The following DHRSX variants were observed in gnomAD, a reference collection of about 807,000 sequenced individuals.
DHRSX encodes dehydrogenase/reductase X-linked, also known as polyprenol dehydrogenase.
DHRSX carries 31 observed loss-of-function variants against 34.0 expected under a neutral mutation model. The observed-to-expected ratio is 0.91, with a 90% CI of 0.69 to 1.23. The LOEUF (loss-of-function observed/expected upper bound fraction) is 1.23. Ranked by LOEUF, DHRSX falls within the 50% of genes most tolerant of loss-of-function variation. The pLI is 0.00. For missense variants in DHRSX, 414 were observed against 428.1 expected, an observed-to-expected ratio of 0.97 and a Z score of 0.29; for synonymous variants, 201 against 183.8, an observed-to-expected ratio of 1.09 and a Z score of -0.76.
chrX:2,433,689 A>C (rs1424872209), intron 1 of DHRSX, among the ~76,000 whole-genome samples: 1 of 152,170 alleles, frequency 6.6e-6, no homozygotes, highest in African/African-American at 2.4e-5. Flanking sequence ...TAGGCTGAGA[A>C]TGATGCCTTC....
chrX:2,415,786 G>A (rs890744554), intron 2 of DHRSX, among the ~76,000 whole-genome samples: 3 of 143,824 alleles, frequency 2.1e-5, no homozygotes, highest in South Asian at 2.3e-4. Flanking sequence ...CAACTAGATC[G>A]CATCATAACC....
intron 3 of DHRSX, among the ~76,000 whole-genome samples, chrX:2,311,213 T>C (rs2042161738): frequency 6.6e-6 from 1 of 151,154 alleles, no homozygotes; most frequent in Non-Finnish European, 1.5e-5. Context: ...ACAGAGGTTG[T>C]GACACAGAGA....
At chrX:2,485,144 T>C (rs2124069261) in intron 1 of DHRSX, among the ~76,000 whole-genome samples, 1 of 152,192 alleles carries the variant, frequency 6.6e-6, no homozygotes, top group East Asian at 1.9e-4. Context: ...CCCACCACTG[T>C]GCGGAAGGAG....
At chrX:2,347,148 G>A (rs989978442) in intron 3 of DHRSX, among the ~76,000 whole-genome samples, 2 of 152,160 alleles carry the variant, frequency 1.3e-5, no homozygotes. Flanking sequence ...ATTTAGAAAA[G>A]AAAGGTTTAA....
rs140523304 is a variant in DHRSX, at chrX:2,380,187, C to G, written c.286+28558G>C. ...GCACGTCCCCATAATCCCAGCTACT[C>G]GGGAGGCTGAGGCAGGAGAATTGCT... On this transcript the variant is annotated intron_variant, in intron 3 of 6. Transcript: ENST00000334651. Among the ~76,000 whole-genome samples, 1,339 of 149,106 alleles carry G rather than the reference C, an allele frequency of 9.0e-3. 10 individuals carry two copies. Among genetic ancestry groups the G allele is most frequent in the Admixed American group, 0.03 (445 of 14,616 alleles).
intron 1 of DHRSX, among the ~76,000 whole-genome samples, chrX:2,441,651 C>A (rs1396225878): frequency 6.6e-6 from 1 of 152,130 alleles, no homozygotes; most frequent in Non-Finnish European, 1.5e-5. Flanking sequence ...ACTCTTTTTA[C>A]CTCTTAAGAC....
chrX:2,332,308 A>G (rs36098223), intron 3 of DHRSX, among the ~76,000 whole-genome samples: 5,206 of 152,272 alleles, frequency 0.034, 315 homozygotes, highest in African/African-American at 0.12. Flanking sequence ...AAGAAAGGCT[A>G]TGAGCAGAGA....
intron 4 of DHRSX, among the ~76,000 whole-genome samples, chrX:2,277,084 A>C (rs1335128148): frequency 1.2e-5 from 1 of 86,520 alleles, no homozygotes; most frequent in African/African-American, 5.9e-5. Flanking sequence ...AGAGAAAGAG[A>C]GATGGAGAGG....
At chrX:2,322,071 C>T (rs1206522391) in intron 3 of DHRSX, among the ~76,000 whole-genome samples, 1 of 152,034 alleles carries the variant, frequency 6.6e-6, no homozygotes, top group African/African-American at 2.4e-5. Flanking sequence ...ACACCCATCA[C>T]CCGAACAGTA....
At chrX:2,301,242 G>A (rs2042005344) in intron 3 of DHRSX, among the ~76,000 whole-genome samples, 1 of 152,188 alleles carries the variant, frequency 6.6e-6, no homozygotes, top group African/African-American at 2.4e-5. Context: ...GCAAAACCCT[G>A]TCTCTACTAA....
chrX:2,302,858 T>C (rs2042029855), intron 3 of DHRSX, among the ~76,000 whole-genome samples: 1 of 152,190 alleles, frequency 6.6e-6, no homozygotes, highest in African/African-American at 2.4e-5. Flanking sequence ...AAATGCATTT[T>C]TTTTAGTAAT....
chrX:2,449,077 T>C (rs1178597026), intron 1 of DHRSX, among the ~76,000 whole-genome samples: 2 of 151,900 alleles, frequency 1.3e-5, no homozygotes, highest in Non-Finnish European at 2.9e-5. Flanking sequence ...TAATGCCAGC[T>C]ACTCAGGAGG....
chrX:2,434,138 T>C (rs1279966737), intron 1 of DHRSX, among the ~76,000 whole-genome samples: 2 of 152,120 alleles, frequency 1.3e-5, no homozygotes, highest in East Asian at 1.9e-4. Flanking sequence ...GAAATGAATA[T>C]GCAATTTGGA....
chrX:2,304,293 G>GGATGGATGGATGAATGGA (rs1569485939), intron 3 of DHRSX, among the ~76,000 whole-genome samples: 1 of 94,844 alleles, frequency 1.1e-5, no homozygotes, highest in Non-Finnish European at 2.0e-5. Flanking sequence ...GGGTGGGTGG[G>GGATGGATGGATGAATGGA]TGGATGGATG....
intron 5 of DHRSX, among the ~76,000 whole-genome samples, chrX:2,253,144 C>T (rs2016472350): frequency 6.6e-6 from 1 of 152,182 alleles, no homozygotes; most frequent in African/African-American, 2.4e-5. Context: ...GCCAAGATAG[C>T]GTCACTGCAC....
At chrX:2,405,003 C>T (rs2317098) in intron 3 of DHRSX, among the ~76,000 whole-genome samples, 79,958 of 151,982 alleles carry the variant, frequency 0.53, 21,377 homozygotes, top group African/African-American at 0.6. Context: ...GAGCGGGAGC[C>T]CCTGTGGGAG....
intron 1 of DHRSX, among the ~76,000 whole-genome samples, chrX:2,457,814 A>C (rs1244781463): frequency 2.0e-5 from 3 of 150,822 alleles, no homozygotes; most frequent in Non-Finnish European, 3.0e-5. Flanking sequence ...CACACTGAAG[A>C]CGTTCCCTAA....
chrX:2,472,655 G>C (rs2044610534), intron 1 of DHRSX, among the ~76,000 whole-genome samples: 1 of 152,078 alleles, frequency 6.6e-6, no homozygotes. Flanking sequence ...TATAATCTCA[G>C]CTACCTTACA....
chrX:2,475,785 T>C (rs1304543947), intron 1 of DHRSX, among the ~76,000 whole-genome samples: 1 of 152,146 alleles, frequency 6.6e-6, no homozygotes, highest in Non-Finnish European at 1.5e-5. Flanking sequence ...AGCTAAGACA[T>C]TGTGGGTGTA....
Sources: allele counts gnomAD v4.1 joint callset (sites outside exome capture counted in the v4.1 genomes callset), GRCh38; gene constraint gnomAD v4.1.1; transcripts MANE v1.5; gene names NCBI Gene and HGNC (gene_info 2026-07-23, HGNC 2026-07-21).